Variants in WNT10A observed in about 807,000 individuals in gnomAD.
WNT10A encodes protein Wnt-10a.
WNT10A carries 37 observed loss-of-function variants against 36.1 expected under a neutral mutation model. The observed-to-expected ratio is 1.02, with a 90% CI of 0.79 to 1.35. The LOEUF (loss-of-function observed/expected upper bound fraction) is 1.35. WNT10A is among the 40% of genes most tolerant of loss of function. The pLI is 0.00. For synonymous variants in WNT10A, 255 were observed against 254.1 expected (o/e 1.00, Z -0.03); for missense variants, 613 against 601.4 (o/e 1.02, Z -0.20).
Position 218,890,007 on chromosome 2 carries a change from T to C in WNT10A, c.400T>C (p.Tyr134His). The stretch of plus-strand genomic sequence containing the variant: ...AGGTTTCCGAGAGAGCGCTTTTGCC[T>C]ACGCCATCGCAGCAGCTGGCGTGGT... ...SRGFRESAFA[Y>H]AIAAAGVVHA... The change falls in exon 3 of 4, where the codon TAC (tyrosine) becomes CAC (histidine). Residue 134 changes from tyrosine to histidine, a missense_variant. By Grantham distance (83) the Tyr-to-His change is moderately conservative. Coordinates refer to ENST00000258411, the MANE Select transcript of WNT10A (RefSeq NM_025216.3). 1 of 1,613,372 alleles carries C rather than the reference T, an allele frequency of 6.2e-7. No homozygotes were observed. The highest frequency in any genetic ancestry group is 8.5e-7 in the Non-Finnish European group (1 of 1,180,034).
chr2:218,887,308 G>T (rs1339738498), intron 2 of WNT10A, among the ~76,000 whole-genome samples: 1 of 152,152 alleles, frequency 6.6e-6, no homozygotes. Context: ...GACCTGGGCT[G>T]CCTCTGGAGG....
At chr2:218,888,557 G>C (rs967056631) in intron 2 of WNT10A, among the ~76,000 whole-genome samples, 1 of 152,238 alleles carries the variant, frequency 6.6e-6, no homozygotes, top group African/African-American at 2.4e-5. Flanking sequence ...AGGACCCTGG[G>C]CTTCCCTCTA....
the WNT10A span, among the ~76,000 whole-genome samples, chr2:218,874,604 T>C: frequency 6.6e-6 from 1 of 152,198 alleles, no homozygotes; most frequent in Non-Finnish European, 1.5e-5. Flanking sequence ...GAGCTGAAGC[T>C]TGAGCTCTCA....
intron 2 of WNT10A, among the ~76,000 whole-genome samples, chr2:218,885,668 G>A (rs963188049): frequency 6.6e-6 from 1 of 152,244 alleles, no homozygotes; most frequent in African/African-American, 2.4e-5. Flanking sequence ...CCCAGGGGAA[G>A]CCAGTAGTGT....
chr2:218,879,016 C>T (rs1440106832), upstream of WNT10A, among the ~76,000 whole-genome samples: 6 of 152,192 alleles, frequency 3.9e-5, no homozygotes, highest in Non-Finnish European at 8.8e-5. Context: ...CTCTAGCTGA[C>T]GCAGTCTGCT....
chr2:218,879,880 C>T (rs779187122), upstream of WNT10A, among the ~76,000 whole-genome samples: 5 of 152,210 alleles, frequency 3.3e-5, no homozygotes, highest in Non-Finnish European at 7.3e-5. Flanking sequence ...TCTAACGCCT[C>T]CTCCCAGGAC....
rs368750773 is a variant in WNT10A, at chr2:218,886,721, C to T, written c.377-3263C>T. 4.8e-4 allele frequency among the ~76,000 whole-genome samples: 72 copies of T among 151,318 alleles called. No homozygotes were observed. In the East Asian group the frequency reaches 0.012, roughly 25 times the overall value. ...TCCAGCTGGCCAGATGGCACAGTGCCTGTGTCTGCCCCAGACAGCTGGGGC... is the reference window on the plus strand; with the variant it reads ...TCCAGCTGGCCAGATGGCACAGTGCTTGTGTCTGCCCCAGACAGCTGGGGC... On this transcript the variant is annotated intron_variant, in intron 2 of 3. Coordinates refer to ENST00000258411, the MANE Select transcript of WNT10A (RefSeq NM_025216.3).
At chr2:218,881,987 T>G (rs150795248) in intron 1 of WNT10A, among the ~76,000 whole-genome samples, 174 bp from the exon 2 acceptor site, 1 of 152,112 alleles carries the variant, frequency 6.6e-6, no homozygotes, top group African/African-American at 2.4e-5. Flanking sequence ...GCAGGATGAT[T>G]GTGAGGAGGT....
In WNT10A at chr2:218,892,918, C is replaced by T; in HGVS notation, c.901C>T (p.Arg301Trp). ...CCGCTTCCACCGCGCCACGCTCATC[C>T]GGCCGCACAACCGCAACGGCGGCCA... ...RSRFHRATLI[R>W]PHNRNGGQLE... Residue 301 changes from arginine to tryptophan, a missense_variant, in exon 4 of 4, where the codon CGG (arginine) becomes TGG (tryptophan). By Grantham distance (101) the Arg-to-Trp change is moderately radical. Coordinates refer to ENST00000258411, the MANE Select transcript of WNT10A (RefSeq NM_025216.3). 1 of 1,509,640 alleles carries T rather than the reference C, an allele frequency of 6.6e-7. No individual in the cohort carries two copies. The highest frequency in any genetic ancestry group is 2.1e-5 in the Admixed American group (1 of 48,188). The allele number at this position is 1,509,640 out of a possible 1,614,324, so 93.5% of individuals were successfully genotyped here. A position where few individuals can be genotyped will look rare whatever the true frequency, so the allele number is the denominator to read the frequency against.
the WNT10A span, among the ~76,000 whole-genome samples, chr2:218,875,613 G>C: frequency 3.3e-5 from 5 of 152,196 alleles, no homozygotes; most frequent in South Asian, 6.2e-4. Flanking sequence ...ACAGTTCACA[G>C]AGCCAGGCAA....
Position 218,892,828 on chromosome 2 carries a change from T to A in WNT10A, c.811T>A (p.Cys271Ser). The A allele has an allele frequency of 6.3e-7, 1 of 1,596,906 alleles. No individual in the cohort carries two copies. Among genetic ancestry groups the A allele is most frequent in the Non-Finnish European group, 8.5e-7 (1 of 1,173,260 alleles). Residue 271 changes from cysteine to serine, a missense_variant, in exon 4 of 4, where the codon TGC (cysteine) becomes AGC (serine). Transcript: ENST00000258411. ...CAAGTGCCACGGCACGTCAGGCAGC[T>A]GCCAGCTCAAGACGTGCTGGCAGGT... ...KCKCHGTSGS[C>S]QLKTCWQVTP... is the part of the protein sequence containing the mutation.
chr2:218,893,032 T>A lies in WNT10A; in HGVS notation c.1015T>A (p.Phe339Ile), dbSNP rs1944674961. The change falls in exon 4 of 4, where the codon TTC becomes ATC. Residue 339 changes from phenylalanine to isoleucine, a missense_variant. By Grantham distance (21) the Phe-to-Ile change is conservative (BLOSUM62 0). Coordinates refer to ENST00000258411, the MANE Select transcript of WNT10A (RefSeq NM_025216.3). This position sits in a 1 kb window ranked among gnomAD's most constrained non-coding sequence, Gnocchi z 6.3. Reference protein sequence around the residue: ...RRASPADLVYFEKSPDFCERE... With the variant: ...RRASPADLVYIEKSPDFCERE... ...GGCCAGCCCCGCCGACCTGGTCTAC[T>A]TCGAAAAGTCTCCCGACTTCTGCGA... 6.3e-7 allele frequency: 1 copy of A among 1,595,340 alleles called. No homozygotes were observed. Among genetic ancestry groups the A allele is most frequent in the Admixed American group, 1.7e-5 (1 of 59,870 alleles).
At chr2:218,887,574 C>T (rs938501103) in intron 2 of WNT10A, among the ~76,000 whole-genome samples, 1 of 152,144 alleles carries the variant, frequency 6.6e-6, no homozygotes, top group Non-Finnish European at 1.5e-5. Flanking sequence ...CATAGCTGAG[C>T]TCCTTATGCA....
Position 218,886,845 on chromosome 2 carries a change from G to A in WNT10A, c.377-3139G>A, listed in dbSNP as rs528733571. Among the ~76,000 whole-genome samples the A allele has an allele frequency of 2.0e-5, 3 of 152,366 alleles. 1 individual carries two copies. In the South Asian group the frequency reaches 6.2e-4, roughly 32 times the overall value. On this transcript the variant is annotated intron_variant, in intron 2 of 3. Transcript: ENST00000258411. ...ACTTGCAGCAGAGGGTGGCCACACA[G>A]GCCCTGCCTTGTCACCTCTGCACGT...
chr2:218,883,312 CCT>C (rs2106012185), intron 2 of WNT10A, among the ~76,000 whole-genome samples: 1 of 152,268 alleles, frequency 6.6e-6, no homozygotes, highest in Admixed American at 6.5e-5. Context: ...AGCCCTAGCT[CCT>C]TAGGTCTTGT....
intron 2 of WNT10A, among the ~76,000 whole-genome samples, chr2:218,888,459 G>A (rs1446717376): frequency 1.3e-5 from 2 of 152,216 alleles, no homozygotes; most frequent in Non-Finnish European, 2.9e-5. Flanking sequence ...GGGAAAATCT[G>A]TGCCTCCTGA....
chr2:218,886,529 G>A (rs913218137), intron 2 of WNT10A, among the ~76,000 whole-genome samples: 5 of 151,928 alleles, frequency 3.3e-5, no homozygotes, highest in Admixed American at 6.5e-5. Flanking sequence ...GTTGGCTGCT[G>A]TGGCCTGTAG....
rs561485190 is a variant in WNT10A, at chr2:218,893,200, C to T, written c.1183C>T (p.Arg395Cys). The T allele has an allele frequency of 2.1e-5, 33 of 1,577,750 alleles. No individual in the cohort carries two copies. In the African/African-American group the frequency reaches 4.4e-4, roughly 21 times the overall value. The change falls in exon 4 of 4, where the codon CGC becomes TGC. Residue 395 changes from arginine (R) to cysteine (C), a missense_variant. Transcript: ENST00000258411. The surrounding 1 kb of genome is among the most constrained non-coding windows in gnomAD (Gnocchi z 6.3). ...RQTRSERCHCRFHWCCFVVCE... is the reference protein window; with the variant it reads ...RQTRSERCHCCFHWCCFVVCE... ...GACGCGCAGCGAGCGCTGCCACTGC[C>T]GCTTCCACTGGTGCTGTTTCGTGGT...
upstream of WNT10A, among the ~76,000 whole-genome samples, chr2:218,877,191 G>C (rs887811117): frequency 3.3e-5 from 5 of 152,220 alleles, no homozygotes; most frequent in African/African-American, 1.2e-4. This position sits in a 1 kb window ranked among gnomAD's most constrained non-coding sequence, Gnocchi z 4.1. Flanking sequence ...TTGCTAGCTT[G>C]ACCTTGGTCA....
Sources: gnomAD v4.1 joint callset for allele counts (sites outside exome capture counted in the v4.1 genomes callset) on GRCh38, gnomAD v4.1.1 for gene constraint, Gnocchi (gnomAD v3.1) non-coding constraint, MANE v1.5 for transcripts, NCBI Gene and HGNC (gene_info 2026-07-23, HGNC 2026-07-21) for gene names.